GALNT13: variants seen among roughly 807,000 people sequenced by gnomAD.
The protein encoded by GALNT13 is polypeptide N-acetylgalactosaminyltransferase 13, also known as UDP-GalNAc:polypeptide N-acetylgalactosaminyltransferase 13.
GALNT13 carries 28 observed loss-of-function variants against 64.2 expected under a neutral mutation model. That is an observed-to-expected ratio of 0.44 (90% CI 0.32 to 0.60). The LOEUF is 0.60. GALNT13 is among the 20% of genes least tolerant of loss of function. The pLI, the probability that GALNT13 is intolerant of heterozygous loss-of-function variation, is 0.05. For synonymous variants in GALNT13, 214 were observed against 224.6 expected, an observed-to-expected ratio of 0.95 and a Z score of 0.42; for missense variants, 577 against 669.8, an observed-to-expected ratio of 0.86 and a Z score of 1.53.
At chr2:154,017,289 T>C (rs1697073740) in intron 3 of GALNT13, among the ~76,000 whole-genome samples, 1 of 152,198 alleles carries the variant, frequency 6.6e-6, no homozygotes, top group African/African-American at 2.4e-5. Flanking sequence ...TTATATTAGT[T>C]ATAAAGTAAA....
At chr2:153,537,209 T>G in the GALNT13 span, among the ~76,000 whole-genome samples, 2 of 152,074 alleles carry the variant, frequency 1.3e-5, no homozygotes, top group Non-Finnish European at 2.9e-5. Context: ...AGAGGCTGTA[T>G]AGGACATGAA....
chr2:154,324,415 T>C (rs1694778313), intron 9 of GALNT13, among the ~76,000 whole-genome samples: 1 of 152,104 alleles, frequency 6.6e-6, no homozygotes, highest in African/African-American at 2.4e-5. Context: ...TATTCAGCAA[T>C]ACAACATGTG....
the GALNT13 span, among the ~76,000 whole-genome samples, chr2:153,126,732 G>A: frequency 1.3e-3 from 203 of 152,282 alleles, no homozygotes; most frequent in Middle Eastern, 3.4e-3. Flanking sequence ...ACCTCTTGAA[G>A]TTTGAAAATG....
intron 3 of GALNT13, among the ~76,000 whole-genome samples, chr2:154,123,982 G>T (rs1269248715): frequency 6.6e-6 from 1 of 151,868 alleles, no homozygotes. Context: ...TCATTGAACT[G>T]CAAACAAAAA....
chr2:153,082,608 TATATATATATACACACAC>T, the GALNT13 span, among the ~76,000 whole-genome samples: 465 of 44,814 alleles, frequency 0.01, no homozygotes, highest in Middle Eastern at 0.02. Context: ...TATATATATA[TATATATATATACACACAC>T]ACACACACAC....
intron 11 of GALNT13, among the ~76,000 whole-genome samples, chr2:154,438,155 G>T (rs895695758): frequency 5.3e-5 from 8 of 152,084 alleles, no homozygotes; most frequent in African/African-American, 9.7e-5. Flanking sequence ...ATGTACTTAT[G>T]TTATCAGAAG....
At chr2:153,950,586 T>C (rs1228597087) in intron 3 of GALNT13, among the ~76,000 whole-genome samples, 5 of 151,898 alleles carry the variant, frequency 3.3e-5, no homozygotes, top group Non-Finnish European at 7.4e-5. Context: ...CCCAAGAAAA[T>C]TTTTCACATA....
At chr2:154,401,726 T>G (rs1699311818) in intron 10 of GALNT13, among the ~76,000 whole-genome samples, 1 of 152,178 alleles carries the variant, frequency 6.6e-6, no homozygotes, top group Admixed American at 6.5e-5. Flanking sequence ...TCTCTCAGGA[T>G]TTTGGTTGTC....
intron 9 of GALNT13, among the ~76,000 whole-genome samples, chr2:154,355,610 T>G (rs2105269622): frequency 6.6e-6 from 1 of 152,176 alleles, no homozygotes; most frequent in East Asian, 1.9e-4. Context: ...GAAAAGTAAG[T>G]CATTCATTAT....
chr2:153,803,744 A>G, the GALNT13 span, among the ~76,000 whole-genome samples: 1 of 151,710 alleles, frequency 6.6e-6, no homozygotes, highest in African/African-American at 2.4e-5. Flanking sequence ...ACAGAGAGAG[A>G]TTGATCTCTC....
At chr2:154,275,237 G>A (rs1559062414) in intron 8 of GALNT13, among the ~76,000 whole-genome samples, 1 of 152,116 alleles carries the variant, frequency 6.6e-6, no homozygotes, top group African/African-American at 2.4e-5. Flanking sequence ...AAGTAACAAG[G>A]AGCCAAATAT....
chr2:154,056,203 C>A (rs1277907922), intron 3 of GALNT13, among the ~76,000 whole-genome samples: 1 of 152,104 alleles, frequency 6.6e-6, no homozygotes, highest in East Asian at 1.9e-4. Flanking sequence ...GAAAGCATTT[C>A]AACCAAAAGT....
At chr2:154,011,853 G>A (rs951382658) in intron 3 of GALNT13, among the ~76,000 whole-genome samples, 4 of 152,096 alleles carry the variant, frequency 2.6e-5, no homozygotes, top group African/African-American at 7.2e-5. Flanking sequence ...TTGGTCTAAT[G>A]TTTGTTTTGT....
the GALNT13 span, among the ~76,000 whole-genome samples, chr2:153,295,527 TAAAA>T: frequency 1.2e-4 from 17 of 139,722 alleles, no homozygotes; most frequent in Non-Finnish European, 1.2e-4. Flanking sequence ...CTGGAGTACC[TAAAA>T]AAAAAAAAAA....
At position 154,259,156 on chromosome 2, in the gene GALNT13, T is replaced by C. The variant is rs1412256425; in HGVS notation, c.975+18T>C. 7.7e-7 allele frequency: 1 copy of C among 1,306,600 alleles called. No homozygotes were observed. Among genetic ancestry groups the C allele is most frequent in the Non-Finnish European group, 1.1e-6 (1 of 903,014 alleles). 80.9% of individuals were successfully genotyped at this position (1,306,600 alleles called of 1,614,324 possible). A position where few individuals can be genotyped will look rare whatever the true frequency, so the allele number is the denominator to read the frequency against. Reference sequence around the variant, plus strand: ...CTTTTAGGGTAATTGCATTTTATTTTATTTTTTGATGCTGAACATACAATG... The same window carrying C: ...CTTTTAGGGTAATTGCATTTTATTTCATTTTTTGATGCTGAACATACAATG... On this transcript the variant is annotated intron_variant, in intron 8 of 12. Coordinates refer to ENST00000392825, the MANE Select transcript of GALNT13 (RefSeq NM_052917.4).
At chr2:154,041,836 C>A (rs1424672) in intron 3 of GALNT13, among the ~76,000 whole-genome samples, 33,609 of 138,890 alleles carry the variant, frequency 0.24, 9,616 homozygotes, top group Non-Finnish European at 0.36. Context: ...CTAGTGATAT[C>A]ATTTACAAGT....
chr2:153,403,505 A>T, the GALNT13 span, among the ~76,000 whole-genome samples: 302 of 152,170 alleles, frequency 2.0e-3, no homozygotes, highest in African/African-American at 4.7e-3. Context: ...GCCTGGGCAA[A>T]GGCGGGCGCC....
At chr2:153,423,726 A>G in the GALNT13 span, among the ~76,000 whole-genome samples, 1 of 151,878 alleles carries the variant, frequency 6.6e-6, no homozygotes, top group Non-Finnish European at 1.5e-5. Context: ...CACAGAGGCA[A>G]GACTTTAATG....
chr2:153,112,425 A>G, the GALNT13 span, among the ~76,000 whole-genome samples: 2,714 of 152,110 alleles, frequency 0.018, 38 homozygotes, highest in Middle Eastern at 0.034. Context: ...TCTCCCACTG[A>G]TATAAGCCAC....
Sources: allele counts gnomAD v4.1 joint callset (sites outside exome capture counted in the v4.1 genomes callset), GRCh38; gene constraint gnomAD v4.1.1; transcripts MANE v1.5; gene names NCBI Gene and HGNC (gene_info 2026-07-23, HGNC 2026-07-21).